Variants in MYT1L observed in about 807,000 individuals in gnomAD.
MYT1L encodes the protein myelin transcription factor 1-like protein.
MYT1L carries 12 observed loss-of-function variants against 126.7 expected under a neutral mutation model. The ratio of observed to expected loss-of-function variants is 0.09; its 90% CI spans 0.06 to 0.15. The LOEUF is 0.15. Ranked by LOEUF, MYT1L falls within the 10% of genes least tolerant of loss-of-function variation. The probability of loss-of-function intolerance (pLI) is 1.00; values close to 1 mark genes in which losing one functional copy is unlikely to be tolerated. For missense variants in MYT1L, 979 were observed against 1,585.2 expected, an observed-to-expected ratio of 0.62 and a Z score of 6.49; for synonymous variants, 541 against 604.2, an observed-to-expected ratio of 0.90 and a Z score of 1.53.
intron 8 of MYT1L, among the ~76,000 whole-genome samples, chr2:1,966,302 G>A (rs372085347): frequency 5.3e-5 from 8 of 152,298 alleles, no homozygotes; most frequent in Admixed American, 4.6e-4. Context: ...TCTAGCAAAG[G>A]CATTGTTAAA....
chr2:2,067,721 A>G (rs11685526), intron 3 of MYT1L, among the ~76,000 whole-genome samples: 19,399 of 152,208 alleles, frequency 0.13, 1,314 homozygotes, highest in East Asian at 0.3. Context: ...AATATTAAAA[A>G]TTTGTTCATC....
At chr2:2,112,138 G>C (rs949741495) in intron 3 of MYT1L, among the ~76,000 whole-genome samples, 1 of 152,152 alleles carries the variant, frequency 6.6e-6, no homozygotes, top group Non-Finnish European at 1.5e-5. Context: ...GCTCCTCAGC[G>C]TGATTAAGAT....
chr2:2,027,325 C>A (rs918436710), intron 4 of MYT1L, among the ~76,000 whole-genome samples: 2 of 152,220 alleles, frequency 1.3e-5, no homozygotes, highest in Non-Finnish European at 2.9e-5. Context: ...GCACCCTACT[C>A]TGTGTTGTAG....
chr2:2,096,621 G>C (rs1427468383), intron 3 of MYT1L, among the ~76,000 whole-genome samples: 2 of 152,172 alleles, frequency 1.3e-5, no homozygotes, highest in South Asian at 2.1e-4. Context: ...CTGATATGAG[G>C]AGCCTTGGTG....
At chr2:1,872,491 T>A (rs1218671110) in intron 18 of MYT1L, among the ~76,000 whole-genome samples, 1 of 152,198 alleles carries the variant, frequency 6.6e-6, no homozygotes, top group Non-Finnish European at 1.5e-5. Flanking sequence ...TATTTGATGA[T>A]TTTCAGCCTG....
At chr2:2,214,658 TC>T (rs1371605704) in intron 2 of MYT1L, among the ~76,000 whole-genome samples, 7 of 152,256 alleles carry the variant, frequency 4.6e-5, no homozygotes, top group Admixed American at 4.6e-4. Context: ...AAAGACTTCT[TC>T]AGATATAGAG....
chr2:1,800,673 T>C (rs1344573839), intron 23 of MYT1L, among the ~76,000 whole-genome samples: 1 of 152,116 alleles, frequency 6.6e-6, no homozygotes, highest in Non-Finnish European at 1.5e-5. Flanking sequence ...CCCTCAACCT[T>C]CCCCAGCCTC....
At chr2:2,159,946 C>T (rs1227947516) in intron 3 of MYT1L, among the ~76,000 whole-genome samples, 2 of 152,092 alleles carry the variant, frequency 1.3e-5, no homozygotes, top group African/African-American at 4.8e-5. Context: ...GGCAGGAGCT[C>T]CAGGCTGGAC....
intron 5 of MYT1L, among the ~76,000 whole-genome samples, chr2:1,990,506 G>C (rs1166276209): frequency 6.6e-6 from 1 of 152,200 alleles, no homozygotes; most frequent in Non-Finnish European, 1.5e-5. Flanking sequence ...CACTGCGGGT[G>C]CCATGGAGGG....
chr2:2,013,944 A>T (rs1321303574), intron 4 of MYT1L, among the ~76,000 whole-genome samples: 1 of 152,228 alleles, frequency 6.6e-6, no homozygotes, highest in East Asian at 1.9e-4. Flanking sequence ...ATGGTGAAGA[A>T]GTGTTTGCTC....
chr2:2,088,098 C>T (rs1428352496), intron 3 of MYT1L, among the ~76,000 whole-genome samples: 5 of 152,182 alleles, frequency 3.3e-5, no homozygotes, highest in Non-Finnish European at 7.3e-5. Context: ...ACATGGTGAG[C>T]GGCACATGAG....
At chr2:2,278,768 T>G (rs1329889078) in intron 2 of MYT1L, among the ~76,000 whole-genome samples, 1 of 152,236 alleles carries the variant, frequency 6.6e-6, no homozygotes, top group African/African-American at 2.4e-5. Flanking sequence ...TTTTCCTGGC[T>G]ATATTTTAAC....
At chr2:2,277,776 C>T (rs1283655669) in intron 2 of MYT1L, among the ~76,000 whole-genome samples, 1 of 152,018 alleles carries the variant, frequency 6.6e-6, no homozygotes, top group Non-Finnish European at 1.5e-5. Flanking sequence ...GTTGTATACC[C>T]TTTGCAACAG....
At chr2:2,301,242 C>G (rs763742687) in intron 1 of MYT1L, among the ~76,000 whole-genome samples, 1 of 152,202 alleles carries the variant, frequency 6.6e-6, no homozygotes, top group Non-Finnish European at 1.5e-5. Context: ...AAGACTCTCC[C>G]TGCCTCTGTC....
intron 2 of MYT1L, among the ~76,000 whole-genome samples, chr2:2,236,811 CTTCTTTT>C (rs2094330022): frequency 2.9e-4 from 2 of 6,820 alleles, no homozygotes; most frequent in Non-Finnish European, 5.1e-4. Flanking sequence ...TCTTCTTCTT[CTTCTTTT>C]TTTTTTTTTT....
intron 4 of MYT1L, among the ~76,000 whole-genome samples, chr2:2,014,055 C>T (rs185251738): frequency 2.0e-5 from 3 of 152,204 alleles, no homozygotes; most frequent in Admixed American, 6.5e-5. Context: ...TAGTAAATAA[C>T]AACTAACTGC....
chr2:1,955,275 G>A (rs2058248876), intron 8 of MYT1L, among the ~76,000 whole-genome samples: 1 of 151,780 alleles, frequency 6.6e-6, no homozygotes, highest in African/African-American at 2.4e-5. Flanking sequence ...TTGTCTTGAT[G>A]TGGTTGGTAA....
intron 8 of MYT1L, among the ~76,000 whole-genome samples, chr2:1,948,735 C>G (rs1350802899): frequency 6.7e-6 from 1 of 150,302 alleles, no homozygotes; most frequent in East Asian, 2.0e-4. Flanking sequence ...CTCAGAGATG[C>G]TGTGCACTCT....
intron 2 of MYT1L, among the ~76,000 whole-genome samples, chr2:2,220,362 A>G (rs1008622190): frequency 6.6e-6 from 1 of 152,152 alleles, no homozygotes; most frequent in African/African-American, 2.4e-5. Context: ...AAATTTAACC[A>G]TTTTCTGATT....
Sources: gnomAD v4.1 joint callset for allele counts (sites outside exome capture counted in the v4.1 genomes callset) on GRCh38, gnomAD v4.1.1 for gene constraint, MANE v1.5 for transcripts, NCBI Gene and HGNC (gene_info 2026-07-23, HGNC 2026-07-21) for gene names.